Variants in ST18 observed in about 807,000 individuals in gnomAD.
ST18 encodes the protein ST18 C2H2C-type zinc finger transcription factor.
A neutral mutation model predicts 110.0 loss-of-function variants in ST18; 50 were observed. The ratio of observed to expected loss-of-function variants is 0.45; its 90% confidence interval spans 0.36 to 0.58. The LOEUF is 0.58. Ranked by LOEUF, ST18 falls within the 20% of genes least tolerant of loss-of-function variation. The probability of loss-of-function intolerance (pLI) is 0.00; values close to 1 mark genes in which losing one functional copy is unlikely to be tolerated. For missense variants in ST18, 1,306 were observed against 1,280.1 expected (o/e 1.02, Z -0.31); for synonymous variants, 461 against 452.4 (o/e 1.02, Z -0.24).
chr8:52,160,481 C>G (rs950613801), intron 14 of ST18, among the ~76,000 whole-genome samples: 3 of 152,186 alleles, frequency 2.0e-5, no homozygotes, highest in Non-Finnish European at 4.4e-5. Flanking sequence ...TAAGACCACT[C>G]AGTTTCCATA....
intron 2 of ST18, among the ~76,000 whole-genome samples, chr8:52,324,171 T>A (rs1444214040): frequency 6.6e-6 from 1 of 152,154 alleles, no homozygotes; most frequent in Non-Finnish European, 1.5e-5. Flanking sequence ...GTTCCTCTCA[T>A]GAAGCTCTGG....
intron 13 of ST18, among the ~76,000 whole-genome samples, 168 bp from the exon 14 acceptor site, chr8:52,161,736 C>T (rs2061510276): frequency 1.3e-5 from 2 of 152,086 alleles, no homozygotes; most frequent in Non-Finnish European, 1.5e-5. Context: ...ATGCTCCGGA[C>T]CCATAGGGCG....
intron 21 of ST18, among the ~76,000 whole-genome samples, chr8:52,132,748 T>G (rs986271953): frequency 6.6e-6 from 1 of 152,206 alleles, no homozygotes; most frequent in African/African-American, 2.4e-5. Context: ...AATTAAAGTT[T>G]CGGGGGAAAA....
intron 2 of ST18, among the ~76,000 whole-genome samples, chr8:52,354,956 T>C (rs1822036716): frequency 6.6e-6 from 1 of 152,230 alleles, no homozygotes; most frequent in African/African-American, 2.4e-5. Context: ...TCCATTCTCC[T>C]GCATTGAGAA....
At chr8:52,137,512 G>T in intron 17 of ST18, 29 bp from the exon 18 acceptor site, 1 of 1,611,708 alleles carries the variant, frequency 6.2e-7, no homozygotes, top group East Asian at 2.2e-5. Context: ...CATCATTAGA[G>T]TCAAGCGCAT....
chr8:52,144,139 C>T (rs1489076420), intron 16 of ST18, among the ~76,000 whole-genome samples: 1 of 152,016 alleles, frequency 6.6e-6, no homozygotes, highest in Non-Finnish European at 1.5e-5. Context: ...TGTATTATTT[C>T]ACAGATAACA....
chr8:52,124,115 T>G (rs2046053969), intron 23 of ST18, among the ~76,000 whole-genome samples: 1 of 152,322 alleles, frequency 6.6e-6, no homozygotes, highest in East Asian at 1.9e-4. Flanking sequence ...CACGTCTTAG[T>G]GTCCTCAGGG....
intron 2 of ST18, among the ~76,000 whole-genome samples, chr8:52,311,289 A>G (rs894524024): frequency 6.6e-6 from 1 of 152,140 alleles, no homozygotes; most frequent in Non-Finnish European, 1.5e-5. Flanking sequence ...TTGTTATGTT[A>G]TCTCCCCTGA....
chr8:52,321,946 G>C (rs1170053146), intron 2 of ST18, among the ~76,000 whole-genome samples: 1 of 152,078 alleles, frequency 6.6e-6, no homozygotes, highest in African/African-American at 2.4e-5. Context: ...TAAATAATTA[G>C]AGCAAAGCCA....
intron 8 of ST18, among the ~76,000 whole-genome samples, chr8:52,203,533 A>T (rs1305522938): frequency 6.6e-6 from 1 of 152,136 alleles, no homozygotes; most frequent in Non-Finnish European, 1.5e-5. Flanking sequence ...TATGGGACAC[A>T]TTTTATTTCA....
intron 9 of ST18, 44 bp from the exon 10 acceptor site, chr8:52,172,627 A>T: frequency 6.8e-7 from 1 of 1,472,800 alleles, no homozygotes; most frequent in East Asian, 2.3e-5. Flanking sequence ...AGAACAAAAA[A>T]TATTTTAGGA....
At chr8:52,307,900 G>T (rs2095840637) in intron 2 of ST18, among the ~76,000 whole-genome samples, 1 of 152,110 alleles carries the variant, frequency 6.6e-6, no homozygotes, top group South Asian at 2.1e-4. Flanking sequence ...GCTTGGAAAG[G>T]GTAAATAAAA....
intron 2 of ST18, among the ~76,000 whole-genome samples, chr8:52,233,627 T>G (rs2092017525): frequency 6.6e-6 from 1 of 152,188 alleles, no homozygotes; most frequent in African/African-American, 2.4e-5. Context: ...GATTGATAGT[T>G]GTCTCCCACG....
chr8:52,126,046 T>C lies in ST18; in HGVS notation c.2755+6A>G, dbSNP rs1416393333. 3 of 1,613,988 alleles carry C rather than the reference T, an allele frequency of 1.9e-6. No individual in the cohort carries two copies. The highest frequency in any genetic ancestry group is 2.5e-6 in the Non-Finnish European group (3 of 1,179,894). On this transcript the variant is annotated splice_donor_region_variant and intron_variant, in intron 23 of 25. Transcript: ENST00000689386. Reference sequence around the variant, plus strand: ...GAGGTGGTGACAGCCAGCCCTGTGCTCTTACCCCCAGTTGCTTTGAGCTTG... The same window carrying C: ...GAGGTGGTGACAGCCAGCCCTGTGCCCTTACCCCCAGTTGCTTTGAGCTTG...
chr8:52,300,391 A>G (rs1343948979), intron 2 of ST18, among the ~76,000 whole-genome samples: 3 of 152,240 alleles, frequency 2.0e-5, no homozygotes, highest in Non-Finnish European at 4.4e-5. Flanking sequence ...AAGTAGATTA[A>G]AGGATGACTA....
At chr8:52,209,816 C>T (rs4369002) in intron 8 of ST18, among the ~76,000 whole-genome samples, 19,338 of 138,312 alleles carry the variant, frequency 0.14, 1,544 homozygotes, top group Middle Eastern at 0.25. Context: ...TATATACATG[C>T]TTATTATAAT....
At chr8:52,166,081 G>A (rs1378026145) in intron 11 of ST18, among the ~76,000 whole-genome samples, 1 of 152,182 alleles carries the variant, frequency 6.6e-6, no homozygotes, top group African/African-American at 2.4e-5. Context: ...AGGCCAGGAG[G>A]ACCATGGTGA....
intron 16 of ST18, among the ~76,000 whole-genome samples, chr8:52,143,943 A>G (rs2056274997): frequency 6.6e-6 from 1 of 152,122 alleles, no homozygotes; most frequent in African/African-American, 2.4e-5. Context: ...TTTTATTTTT[A>G]TATTACTTCC....
At chr8:52,349,410 G>C (rs1421553346) in intron 2 of ST18, among the ~76,000 whole-genome samples, 1 of 152,090 alleles carries the variant, frequency 6.6e-6, no homozygotes, top group African/African-American at 2.4e-5. Flanking sequence ...AATAAAATAT[G>C]ATAATGTATT....
Sources: allele counts gnomAD v4.1 joint callset (sites outside exome capture counted in the v4.1 genomes callset), GRCh38; gene constraint gnomAD v4.1.1; transcripts MANE v1.5; gene names NCBI Gene and HGNC (gene_info 2026-07-23, HGNC 2026-07-21).